Variants in PDPR observed in about 807,000 individuals in gnomAD.
PDPR encodes the protein pyruvate dehydrogenase phosphatase regulatory subunit.
In PDPR, 50 loss-of-function variants were observed where a neutral mutation model predicts 102.2. The ratio of observed to expected loss-of-function variants is 0.49; its 90% CI spans 0.39 to 0.62. The LOEUF is 0.62. Ranked by LOEUF, PDPR falls within the 20% of genes least tolerant of loss-of-function variation. The probability of loss-of-function intolerance (pLI) is 0.00; values close to 1 mark genes in which losing one functional copy is unlikely to be tolerated. For synonymous variants in PDPR, 259 were observed against 406.0 expected (o/e 0.64, Z 4.35); for missense variants, 625 against 1,098.2 (o/e 0.57, Z 6.09).
chr16:70,148,812 C>G (rs1272291837), intron 17 of PDPR, among the ~76,000 whole-genome samples: 1 of 152,254 alleles, frequency 6.6e-6, no homozygotes, highest in South Asian at 2.1e-4. Flanking sequence ...CTGATCTGTT[C>G]TCACCAACTG....
chr16:70,121,111 A>G (rs1190068695), intron 3 of PDPR, among the ~76,000 whole-genome samples: 1 of 151,812 alleles, frequency 6.6e-6, no homozygotes, highest in Non-Finnish European at 1.5e-5. Flanking sequence ...TTTGACAAAA[A>G]TTTGCGTTTG....
intron 1 of PDPR, among the ~76,000 whole-genome samples, 177 bp from the exon 2 acceptor site, chr16:70,114,644 C>G (rs1200740349): frequency 2.0e-5 from 3 of 152,350 alleles, no homozygotes; most frequent in African/African-American, 7.2e-5. Flanking sequence ...TCCGCTCGTG[C>G]CTTGGCTTGT....
At position 70,156,944 on chromosome 16, in the gene PDPR, T is replaced by C; in HGVS notation, c.*65T>C. On this transcript the variant is annotated 3_prime_UTR_variant, in exon 19 of 19. Transcript: ENST00000288050. The stretch of plus-strand genomic sequence containing the variant: ...CCTAGAGTGGGCGTCACCTTGGAGC[T>C]TCTCTTCCTTCCGCCTCTGTTCCTC... The C allele has an allele frequency of 6.4e-7, 1 of 1,565,160 alleles. No individual in the cohort carries two copies. The highest frequency in any genetic ancestry group is 1.4e-5 in the African/African-American group (1 of 73,572).
At chr16:70,147,502 G>C (rs1465399961) in intron 16 of PDPR, 1 of 397,874 alleles carries the variant, frequency 2.5e-6, no homozygotes, top group Non-Finnish European at 5.0e-6. Flanking sequence ...TGGCGTAGGT[G>C]AATCTCTGAA....
rs1967569410 is a variant in PDPR, at chr16:70,159,467, G to GC, written c.*2592dup. 2 of 152,770 alleles carry GC rather than the reference G, an allele frequency of 1.3e-5. No individual in the cohort carries two copies. Among genetic ancestry groups the GC allele is most frequent in the African/African-American group, 4.8e-5 (2 of 41,596 alleles). The allele number at this position is 152,770 out of a possible 1,614,324, so 9.5% of individuals were successfully genotyped here. A position where few individuals can be genotyped will look rare whatever the true frequency, so the allele number is the denominator to read the frequency against. Reference sequence around the variant, plus strand: ...CTAGGACATCACTTGTTTATTCAGTGCCCCAAACACAGATTTCTCTTCTAG... The same window carrying GC: ...CTAGGACATCACTTGTTTATTCAGTGCCCCCAAACACAGATTTCTCTTCTAG... On this transcript the variant is annotated 3_prime_UTR_variant, in exon 19 of 19. Transcript: ENST00000288050.
At chr16:70,128,477 C>G (rs375000352) in intron 4 of PDPR, among the ~76,000 whole-genome samples, 2 of 152,260 alleles carry the variant, frequency 1.3e-5, no homozygotes, top group African/African-American at 2.4e-5. Flanking sequence ...ATCCGCCCCC[C>G]TCAGCCTCCC....
chr16:70,154,846 C>G (rs909467088), intron 18 of PDPR, among the ~76,000 whole-genome samples: 2 of 152,236 alleles, frequency 1.3e-5, no homozygotes, highest in Non-Finnish European at 2.9e-5. Flanking sequence ...ACCACATTGG[C>G]CAGGGTGGTC....
rs749652720 is a variant in PDPR at position 70,130,460 on chromosome 16, A to G, written c.645A>G (p.Val215=). ...ATGACCGGACATCTGTTCTTCATGT[A>G]ATGGTCAAAAAAGGTCAAGTTACTG... ...QIYDRTSVLH[V]MVKKGQVTGV... is the part of the protein sequence containing the mutation. The change falls in exon 7 of 19, where the codon GTA becomes GTG. Residue 215 remains valine, a synonymous_variant. Transcript: ENST00000288050. 1 of 1,613,824 alleles carries G rather than the reference A, an allele frequency of 6.2e-7. No homozygotes were observed. The highest frequency in any genetic ancestry group is 8.5e-7 in the Non-Finnish European group (1 of 1,179,772).
Position 70,156,521 on chromosome 16 carries a change from A to G in PDPR, c.2282A>G (p.Asn761Ser). 6.2e-7 allele frequency: 1 copy of G among 1,614,082 alleles called. No homozygotes were observed. The highest frequency in any genetic ancestry group is 1.3e-5 in the African/African-American group (1 of 75,080). The change falls in exon 19 of 19, where the codon AAT (asparagine) becomes AGT (serine). Residue 761 changes from asparagine to serine, a missense_variant. Asn to Ser is a conservative substitution (Grantham distance 46). This residue lies in a region of PDPR where 303 missense variants were observed against 258.9 expected (regional missense o/e 1.17). Coordinates refer to ENST00000288050, the MANE Select transcript of PDPR (RefSeq NM_017990.5). ...GRDALLQQKQ[N>S]GVYKRLTMFI... is the part of the protein sequence containing the mutation. Reference sequence around the variant, plus strand: ...GACGCCCTCCTGCAGCAGAAGCAGAATGGAGTGTATAAACGCCTCACCATG... The same window carrying G: ...GACGCCCTCCTGCAGCAGAAGCAGAGTGGAGTGTATAAACGCCTCACCATG...
At chr16:70,143,348 A>G (rs545471575) in intron 13 of PDPR, among the ~76,000 whole-genome samples, 162 bp from the exon 14 acceptor site, 19 of 152,404 alleles carry the variant, frequency 1.2e-4, no homozygotes, top group African/African-American at 4.6e-4. Context: ...ATCAATAGCT[A>G]GCGTTCCCTG....
chr16:70,137,291 G>A (rs1330442375), intron 10 of PDPR, among the ~76,000 whole-genome samples: 3 of 152,354 alleles, frequency 2.0e-5, no homozygotes, highest in Non-Finnish European at 4.4e-5. Flanking sequence ...AGGAGGCAGA[G>A]CTTGCAGTGA....
intron 9 of PDPR, among the ~76,000 whole-genome samples, chr16:70,132,567 C>T (rs1453446813): frequency 5.9e-5 from 9 of 151,854 alleles, no homozygotes; most frequent in African/African-American, 9.7e-5. Flanking sequence ...TTTCTTGAGA[C>T]GGAGCCTTGC....
In PDPR at chr16:70,161,699, C is replaced by CT. The variant is rs1467440617; in HGVS notation, c.*4821dup. On this transcript the variant is annotated 3_prime_UTR_variant, in exon 19 of 19. Coordinates refer to ENST00000288050, the MANE Select transcript of PDPR (RefSeq NM_017990.5). ...ACTACCAGTACACTTTTCAAGACAACTGAGTATTTTTGTATGCCTTTGCCT... is the reference window on the plus strand; with the variant it reads ...ACTACCAGTACACTTTTCAAGACAACTTGAGTATTTTTGTATGCCTTTGCCT... 6.6e-6 allele frequency: 1 copy of CT among 152,656 alleles called. No individual in the cohort carries two copies. Among genetic ancestry groups the CT allele is most frequent in the Non-Finnish European group, 1.5e-5 (1 of 68,270 alleles). The allele number at this position is 152,656 out of a possible 1,614,324, so 9.5% of individuals were successfully genotyped here.
rs1309541604 is a variant in PDPR, at chr16:70,157,160, GA to G, written c.*283del. 1.6e-6 allele frequency: 1 copy of G among 644,758 alleles called. No homozygotes were observed. The highest frequency in any genetic ancestry group is 2.8e-6 in the Non-Finnish European group (1 of 351,414). 39.9% of individuals were successfully genotyped at this position (644,758 alleles called of 1,614,324 possible). On this transcript the variant is annotated 3_prime_UTR_variant, in exon 19 of 19. Coordinates refer to ENST00000288050, the MANE Select transcript of PDPR (RefSeq NM_017990.5). ...GGCAGGAGGTATGTCTGACAGGACA[GA>G]AGCAAGCTCCACTGTGGACATGAGT...
intron 4 of PDPR, among the ~76,000 whole-genome samples, chr16:70,128,220 T>A (rs949822825): frequency 2.7e-5 from 4 of 149,128 alleles, no homozygotes; most frequent in African/African-American, 1.0e-4. Context: ...TGCCCAAAAC[T>A]GTCTTTTTTT....
chr16:70,125,024 C>A (rs1304082862), intron 3 of PDPR, among the ~76,000 whole-genome samples: 2 of 152,088 alleles, frequency 1.3e-5, no homozygotes, highest in African/African-American at 2.4e-5. Flanking sequence ...ACATTTTTTT[C>A]AATGTAAAGT....
At chr16:70,132,847 C>T (rs1183814569) in intron 9 of PDPR, among the ~76,000 whole-genome samples, 1 of 152,218 alleles carries the variant, frequency 6.6e-6, no homozygotes, top group Non-Finnish European at 1.5e-5. Context: ...GCGTCTTGCC[C>T]TGTCACCTAG....
chr16:70,163,246 C>T (rs1281756755), downstream of PDPR, among the ~76,000 whole-genome samples: 2 of 152,128 alleles, frequency 1.3e-5, no homozygotes, highest in African/African-American at 4.8e-5. Context: ...CTGTGCCTGG[C>T]CCAAAGTAAT....
At chr16:70,113,779 G>A (rs1345647976), upstream of PDPR, 1 of 146,550 alleles carries the variant, frequency 6.8e-6, no homozygotes, top group Non-Finnish European at 1.5e-5. Flanking sequence ...ACTCAGGTCC[G>A]TTAGTCCGTC....
Sources: gnomAD v4.1 joint callset for allele counts (sites outside exome capture counted in the v4.1 genomes callset) on GRCh38, gnomAD v4.1.1 for gene constraint, gnomAD v4.1.1 regional missense constraint, MANE v1.5 for transcripts, NCBI Gene and HGNC (gene_info 2026-07-23, HGNC 2026-07-21) for gene names.